C10orf90: variants seen among roughly 807,000 people sequenced by gnomAD.
C10orf90 encodes chromosome 10 open reading frame 90.
A neutral mutation model predicts 62.5 loss-of-function variants in C10orf90; 56 were observed. That is an observed-to-expected ratio of 0.90 (90% confidence interval 0.72 to 1.12). The LOEUF (loss-of-function observed/expected upper bound fraction) is 1.12. Among genes scored for constraint, C10orf90 ranks in the 50% most tolerant of loss-of-function variants. C10orf90 has a pLI of 0.00. For synonymous variants in C10orf90, 386 were observed against 340.4 expected (o/e 1.13, Z -1.47); for missense variants, 970 against 880.4 (o/e 1.10, Z -1.29).
intron 2 of C10orf90, among the ~76,000 whole-genome samples, chr10:126,633,413 A>G (rs1290023041): frequency 2.0e-5 from 3 of 152,218 alleles, no homozygotes; most frequent in Non-Finnish European, 4.4e-5. Flanking sequence ...TGATCCACCC[A>G]ATGGGATGGC....
intron 2 of C10orf90, among the ~76,000 whole-genome samples, chr10:126,536,272 G>A (rs992986150): frequency 6.6e-6 from 1 of 152,174 alleles, no homozygotes; most frequent in African/African-American, 2.4e-5. Flanking sequence ...AGCAGGTCGC[G>A]GAGGAGGGTA....
intron 1 of C10orf90, among the ~76,000 whole-genome samples, chr10:126,666,628 G>A (rs1333773754): frequency 2.6e-5 from 4 of 151,948 alleles, no homozygotes; most frequent in Non-Finnish European, 5.9e-5. Flanking sequence ...CGCTGCTCTG[G>A]GCCCACTGAG....
intron 4 of C10orf90, among the ~76,000 whole-genome samples, chr10:126,466,351 AAAACACAC>A (rs1860286157): frequency 7.4e-6 from 1 of 134,768 alleles, no homozygotes; most frequent in Non-Finnish European, 1.6e-5. Flanking sequence ...GTCTCTACTA[AAAACACAC>A]ACACACACAC....
chr10:126,642,544 C>A (rs929899635), intron 2 of C10orf90, among the ~76,000 whole-genome samples: 2 of 151,882 alleles, frequency 1.3e-5, no homozygotes, highest in Non-Finnish European at 2.9e-5. Context: ...AAAAAAAATA[C>A]AAAACCCTGA....
At chr10:126,657,936 C>T (rs1846429878) in intron 1 of C10orf90, among the ~76,000 whole-genome samples, 1 of 152,104 alleles carries the variant, frequency 6.6e-6, no homozygotes, top group African/African-American at 2.4e-5. Flanking sequence ...TGTCTTTGAA[C>T]TTGTGTTTTG....
intron 2 of C10orf90, among the ~76,000 whole-genome samples, chr10:126,642,499 T>C (rs1319473857): frequency 6.6e-6 from 1 of 151,882 alleles, no homozygotes; most frequent in Non-Finnish European, 1.5e-5. Flanking sequence ...GCCACTGCAC[T>C]CCAGCCTGGG....
At chr10:126,663,784 G>C (rs964408316) in intron 1 of C10orf90, among the ~76,000 whole-genome samples, 2 of 152,128 alleles carry the variant, frequency 1.3e-5, no homozygotes, top group Non-Finnish European at 2.9e-5. Flanking sequence ...AAACCACCAA[G>C]TACCCTATTT....
intron 2 of C10orf90, among the ~76,000 whole-genome samples, chr10:126,535,713 A>G (rs1864217297): frequency 6.6e-6 from 1 of 152,174 alleles, no homozygotes; most frequent in Non-Finnish European, 1.5e-5. Context: ...CGTTTCTTCC[A>G]CAGGTGACAG....
intron 2 of C10orf90, among the ~76,000 whole-genome samples, chr10:126,562,599 G>A (rs760942271): frequency 3.9e-5 from 6 of 152,148 alleles, no homozygotes; most frequent in Admixed American, 6.5e-5. Flanking sequence ...ATCTGCAGAC[G>A]CTCAATGAGC....
intron 2 of C10orf90, among the ~76,000 whole-genome samples, chr10:126,571,695 A>G (rs1243787824): frequency 3.9e-5 from 6 of 152,072 alleles, no homozygotes; most frequent in Non-Finnish European, 8.8e-5. Context: ...GGGAAGGTAG[A>G]CCACCCACTG....
At chr10:126,570,649 A>G (rs1383576640) in intron 2 of C10orf90, among the ~76,000 whole-genome samples, 4 of 152,200 alleles carry the variant, frequency 2.6e-5, no homozygotes, top group Non-Finnish European at 5.9e-5. Context: ...CAAAGCAACT[A>G]TTTCTTAGCC....
intron 2 of C10orf90, among the ~76,000 whole-genome samples, chr10:126,564,866 TTATATATAATATATAAAATATATTA>T: frequency 2.9e-4 from 1 of 3,426 alleles, no homozygotes; most frequent in Non-Finnish European, 6.1e-4. Flanking sequence ...AAAATATATA[TTATATATAATATATAAAATATATTA>T]TATATAATAT....
chr10:126,651,737 T>A (rs188089991), intron 1 of C10orf90, among the ~76,000 whole-genome samples: 6 of 152,198 alleles, frequency 3.9e-5, no homozygotes, highest in African/African-American at 1.4e-4. Context: ...GACATGTGCG[T>A]AGTTTGCAGA....
At chr10:126,649,224 T>C (rs1846243742) in intron 1 of C10orf90, among the ~76,000 whole-genome samples, 1 of 152,146 alleles carries the variant, frequency 6.6e-6, no homozygotes, top group Non-Finnish European at 1.5e-5. Flanking sequence ...ATTCAGGAAC[T>C]TCTTTCGTCA....
chr10:126,500,128 C>T (rs1218771926), intron 4 of C10orf90, among the ~76,000 whole-genome samples: 1 of 152,198 alleles, frequency 6.6e-6, no homozygotes, highest in African/African-American at 2.4e-5. Context: ...CATAAATTAA[C>T]TTGCAGTTCA....
intron 4 of C10orf90, among the ~76,000 whole-genome samples, chr10:126,499,147 T>C (rs142315292): frequency 2.1e-4 from 32 of 152,348 alleles, no homozygotes; most frequent in Non-Finnish European, 4.1e-4. Flanking sequence ...TTATGCATTG[T>C]TGATGGCTGA....
At chr10:126,451,705 T>C (rs946123867) in intron 7 of C10orf90, among the ~76,000 whole-genome samples, 10 of 151,946 alleles carry the variant, frequency 6.6e-5, no homozygotes, top group African/African-American at 2.4e-4. Context: ...GATATATATA[T>C]ACACACACAT....
chr10:126,466,524 C>T (rs1486508802), intron 4 of C10orf90, among the ~76,000 whole-genome samples: 3 of 152,186 alleles, frequency 2.0e-5, no homozygotes, highest in Admixed American at 6.5e-5. Flanking sequence ...TGGAGTGCCC[C>T]CTGCTCCAGC....
At chr10:126,596,747 A>T (rs935079308) in intron 2 of C10orf90, among the ~76,000 whole-genome samples, 2 of 152,230 alleles carry the variant, frequency 1.3e-5, no homozygotes, top group African/African-American at 4.8e-5. Flanking sequence ...GGGTACCCGA[A>T]GTATAGTTTC....
Sources: gnomAD v4.1 joint callset for allele counts (sites outside exome capture counted in the v4.1 genomes callset) on GRCh38, gnomAD v4.1.1 for gene constraint, MANE v1.5 for transcripts, NCBI Gene and HGNC (gene_info 2026-07-23, HGNC 2026-07-21) for gene names.